PCDHA9: variants seen among roughly 807,000 people sequenced by gnomAD.
PCDHA9 encodes protocadherin alpha-9.
A neutral mutation model predicts 62.0 loss-of-function variants in PCDHA9; 62 were observed. That is an observed-to-expected ratio of 1.00 (90% CI 0.81 to 1.23). PCDHA9 has a LOEUF of 1.23. PCDHA9 is among the 50% of genes most tolerant of loss of function. The pLI, the probability that PCDHA9 is intolerant of heterozygous loss-of-function variation, is 0.00. For missense variants in PCDHA9, 1,205 were observed against 1,249.8 expected (o/e 0.96, Z 0.54); for synonymous variants, 557 against 567.6 (o/e 0.98, Z 0.27).
chr5:140,927,247 G>A (rs782521189), intron 1 of PCDHA9: 7 of 1,613,978 alleles, frequency 4.3e-6, no homozygotes, highest in Middle Eastern at 3.3e-4. Flanking sequence ...GGACACCAAT[G>A]ACAACTCACC....
intron 1 of PCDHA9, chr5:140,883,991 G>C: frequency 6.2e-7 from 1 of 1,612,972 alleles, no homozygotes; most frequent in South Asian, 1.1e-5. Flanking sequence ...CAGCGCGGGA[G>C]GCACAGTGAG....
intron 1 of PCDHA9, among the ~76,000 whole-genome samples, chr5:140,894,823 A>G (rs933081275): frequency 2.0e-5 from 3 of 152,080 alleles, no homozygotes; most frequent in Non-Finnish European, 2.9e-5. Context: ...AGATTTGCCC[A>G]TAATCCTTTT....
chr5:140,891,742 A>T (rs2063228656), intron 1 of PCDHA9, among the ~76,000 whole-genome samples: 1 of 152,150 alleles, frequency 6.6e-6, no homozygotes, highest in African/African-American at 2.4e-5. Context: ...TCAATCCCTT[A>T]TACAACAGTG....
intron 1 of PCDHA9, chr5:140,855,953 TA>T: frequency 7.2e-7 from 1 of 1,381,088 alleles, no homozygotes; most frequent in Non-Finnish European, 9.9e-7. Context: ...GCCATTTCGA[TA>T]AAAAATAGAT....
chr5:140,870,145 G>A, intron 1 of PCDHA9: 1 of 1,614,088 alleles, frequency 6.2e-7, no homozygotes, highest in Non-Finnish European at 8.5e-7. Context: ...TAACTCTCCT[G>A]AAGTCGCCGT....
intron 1 of PCDHA9, among the ~76,000 whole-genome samples, chr5:140,921,856 G>A (rs2080440097): frequency 6.6e-6 from 1 of 151,824 alleles, no homozygotes; most frequent in Non-Finnish European, 1.5e-5. Flanking sequence ...AGATGTGTGT[G>A]TATATATACA....
rs1554166675 is a variant in PCDHA9 at position 140,873,309 on chromosome 5, T to C, written c.2394+22420T>C. ...TGAAACTTTATAAATATAATAAAGG[T>C]GAATATTAGATAGGGCATACATTAC... On this transcript the variant is annotated intron_variant, in intron 1 of 3. Transcript: ENST00000532602. Among the ~76,000 whole-genome samples, 4 of 152,264 alleles carry C rather than the reference T, an allele frequency of 2.6e-5. No individual in the cohort carries two copies. The East Asian group carries it at 5.8e-4, about 22-fold the overall frequency.
chr5:140,945,947 ACCCTGAAAG>A (rs1554217229), intron 1 of PCDHA9, among the ~76,000 whole-genome samples: 1 of 152,132 alleles, frequency 6.6e-6, no homozygotes, highest in Admixed American at 6.5e-5. Flanking sequence ...TTTTTATATG[ACCCTGAAAG>A]CACAGGCAAT....
chr5:140,859,865 C>T (rs2046056665), intron 1 of PCDHA9: 1 of 151,972 alleles, frequency 6.6e-6, no homozygotes, highest in African/African-American at 2.4e-5. Context: ...GAAATATATA[C>T]TTCCCCCTCT....
intron 1 of PCDHA9, chr5:140,875,666 G>A (rs781866030): frequency 1.2e-6 from 2 of 1,613,786 alleles, no homozygotes; most frequent in East Asian, 4.5e-5. Flanking sequence ...CGCCTGTTCC[G>A]GGTGGCGTCC....
chr5:140,869,270 T>G (rs782020247), intron 1 of PCDHA9: 48 of 1,613,430 alleles, frequency 3.0e-5, no homozygotes, highest in Non-Finnish European at 4.0e-5. Context: ...GGGCTGGAGC[T>G]GGCGGAGCTG....
chr5:140,866,519 A>G (rs940195026), intron 1 of PCDHA9: 8 of 152,312 alleles, frequency 5.3e-5, no homozygotes, highest in African/African-American at 1.9e-4. Context: ...TGACTAAGCC[A>G]TGATAGAGCA....
chr5:140,870,229 C>T (rs781897836), intron 1 of PCDHA9: 13 of 1,614,046 alleles, frequency 8.1e-6, no homozygotes, highest in East Asian at 4.5e-5. Context: ...CGTGTCTGAC[C>T]GTGACTCAGG....
In PCDHA9 at chr5:141,005,964, A is replaced by G. The variant is rs189203283; in HGVS notation, c.2543-3663A>G. On this transcript the variant is annotated intron_variant, in intron 3 of 3. Transcript: ENST00000532602. The stretch of plus-strand genomic sequence containing the variant: ...CCTATCTCTAACAAACAACAATAAA[A>G]AAACAATTCCAAAGAGTGTTTGAGG... 1.8e-3 allele frequency among the ~76,000 whole-genome samples: 274 copies of G among 152,152 alleles called. 1 individual carries two copies. Among genetic ancestry groups the G allele is most frequent in the Middle Eastern group, 6.8e-3 (2 of 294 alleles).
At chr5:140,882,646 T>C (rs1554175002) in intron 1 of PCDHA9, 1 of 1,614,112 alleles carries the variant, frequency 6.2e-7, no homozygotes, top group South Asian at 1.1e-5. Flanking sequence ...TGAGGGACAT[T>C]AACGACAACC....
chr5:140,857,646 A>G lies in PCDHA9; in HGVS notation c.2394+6757A>G, dbSNP rs782060988. 27 of 1,596,264 alleles carry G rather than the reference A, an allele frequency of 1.7e-5. 4 individuals carry two copies. The highest frequency in any genetic ancestry group is 2.2e-5 in the Non-Finnish European group (26 of 1,167,636). Reference sequence around the variant, plus strand: ...GAGGAGCTGGAGCTGCTACAGTTCCAGGTGAGCGCGCGCGATGGGGGCGTG... The same window carrying G: ...GAGGAGCTGGAGCTGCTACAGTTCCGGGTGAGCGCGCGCGATGGGGGCGTG... On this transcript the variant is annotated intron_variant, in intron 1 of 3. Coordinates refer to ENST00000532602, the MANE Select transcript of PCDHA9 (RefSeq NM_031857.2).
chr5:140,978,044 G>A (rs1205342779), intron 1 of PCDHA9, among the ~76,000 whole-genome samples: 1 of 152,140 alleles, frequency 6.6e-6, no homozygotes, highest in Non-Finnish European at 1.5e-5. Flanking sequence ...GACAGTGATG[G>A]TGACTGATGA....
chr5:140,851,291 C>A, intron 1 of PCDHA9: 1 of 1,030,836 alleles, frequency 9.7e-7, no homozygotes, highest in Non-Finnish European at 1.2e-6. Context: ...GAAACCCAAG[C>A]AAAAATATAT....
chr5:140,849,956 C>A lies in PCDHA9; in HGVS notation c.1461C>A (p.Asn487Lys). The A allele has an allele frequency of 6.3e-7, 1 of 1,597,918 alleles. No individual in the cohort carries two copies. The highest frequency in any genetic ancestry group is 1.3e-5 in the African/African-American group (1 of 74,540). The change falls in exon 1 of 4, where the codon AAC becomes AAA. Residue 487 changes from asparagine (N) to lysine (K), a missense_variant. Asn to Lys is a moderately conservative substitution (Grantham distance 94, BLOSUM62 0). This residue lies in a region of PCDHA9 where 887 missense variants were observed against 809.5 expected (regional missense o/e 1.10). Transcript: ENST00000532602. ...CGCGGGACGCTGACGCGCAGGAGAACGCCCTGGTGTCCTACTCGCTGGTGG... is the reference window on the plus strand; with the variant it reads ...CGCGGGACGCTGACGCGCAGGAGAAAGCCCTGGTGTCCTACTCGCTGGTGG... ...VSARDADAQE[N>K]ALVSYSLVER...
Sources: allele counts gnomAD v4.1 joint callset (sites outside exome capture counted in the v4.1 genomes callset), GRCh38; gene constraint gnomAD v4.1.1; regional missense constraint gnomAD v4.1.1; transcripts MANE v1.5; gene names NCBI Gene and HGNC (gene_info 2026-07-23, HGNC 2026-07-21).